The following C1QTNF3 variants were observed in gnomAD, a reference collection of about 807,000 sequenced individuals.
C1QTNF3 encodes C1q and TNF related 3.
Under a neutral mutation model 32.6 loss-of-function variants are expected in C1QTNF3, and 26 were observed. The ratio of observed to expected loss-of-function variants is 0.80; its 90% CI spans 0.58 to 1.11. The LOEUF (loss-of-function observed/expected upper bound fraction) is 1.11. Ranked by LOEUF, C1QTNF3 falls within the 50% of genes least tolerant of loss-of-function variation. The pLI, the probability that C1QTNF3 is intolerant of heterozygous loss-of-function variation, is 0.00. For synonymous variants in C1QTNF3, 155 were observed against 146.0 expected (o/e 1.06, Z -0.44); for missense variants, 362 against 398.2 (o/e 0.91, Z 0.77).
intron 2 of C1QTNF3, among the ~76,000 whole-genome samples, chr5:34,035,398 T>A (rs549481191): frequency 1.2e-4 from 19 of 152,322 alleles, no homozygotes; most frequent in African/African-American, 4.3e-4. Context: ...AGTAAGCTTT[T>A]GGCTCTACTC....
At chr5:34,161,563 A>G in the C1QTNF3 span, among the ~76,000 whole-genome samples, 1 of 152,192 alleles carries the variant, frequency 6.6e-6, no homozygotes, top group African/African-American at 2.4e-5. Context: ...TTAAGATTAA[A>G]CATAGTCTAT....
chr5:34,110,904 TTTC>T, the C1QTNF3 span, among the ~76,000 whole-genome samples: 3 of 152,014 alleles, frequency 2.0e-5, no homozygotes, highest in Non-Finnish European at 2.9e-5. Context: ...AAATATTTGA[TTTC>T]TTTAGTAAAA....
the C1QTNF3 span, among the ~76,000 whole-genome samples, chr5:34,172,856 G>C: frequency 6.6e-6 from 1 of 152,092 alleles, no homozygotes; most frequent in Non-Finnish European, 1.5e-5. Context: ...CCAATTACCT[G>C]TTGAAGAAAC....
the C1QTNF3 span, among the ~76,000 whole-genome samples, chr5:34,177,650 CTAATTTCTG>C: frequency 6.6e-6 from 1 of 151,914 alleles, no homozygotes; most frequent in Admixed American, 6.6e-5. Flanking sequence ...CCACACCCAG[CTAATTTCTG>C]TGTTTTCTTA....
the C1QTNF3 span, among the ~76,000 whole-genome samples, chr5:34,052,019 T>C: frequency 6.6e-6 from 1 of 152,180 alleles, no homozygotes; most frequent in Non-Finnish European, 1.5e-5. Context: ...GCGCCTGTAA[T>C]CCCAGCTACT....
chr5:34,217,199 G>T, the C1QTNF3 span, among the ~76,000 whole-genome samples: 2 of 152,056 alleles, frequency 1.3e-5, no homozygotes, highest in Admixed American at 6.6e-5. Context: ...TTAACTTGAT[G>T]AATACAATTC....
the C1QTNF3 span, among the ~76,000 whole-genome samples, chr5:34,222,268 T>C: frequency 6.6e-6 from 1 of 152,028 alleles, no homozygotes; most frequent in Non-Finnish European, 1.5e-5. Flanking sequence ...ATTCTAAAAA[T>C]TCAACACCTG....
the C1QTNF3 span, chr5:34,175,975 G>A: frequency 1.2e-5 from 10 of 800,362 alleles, no homozygotes; most frequent in Admixed American, 1.5e-4. Context: ...TCAAGGCAAA[G>A]AGAAGAGTAA....
At chr5:34,057,998 C>T in the C1QTNF3 span, among the ~76,000 whole-genome samples, 1 of 152,130 alleles carries the variant, frequency 6.6e-6, no homozygotes. Flanking sequence ...TTCCTTCACT[C>T]GACTCCTGGA....
At chr5:34,213,094 A>G in the C1QTNF3 span, among the ~76,000 whole-genome samples, 1 of 152,230 alleles carries the variant, frequency 6.6e-6, no homozygotes, top group Admixed American at 6.5e-5. Flanking sequence ...TTTCAATAGA[A>G]CACTACCATA....
chr5:34,076,913 A>G, the C1QTNF3 span, among the ~76,000 whole-genome samples: 2 of 151,722 alleles, frequency 1.3e-5, no homozygotes, highest in South Asian at 4.2e-4. Flanking sequence ...TGAGAGCCAA[A>G]CATGATTTAT....
At chr5:34,044,291 A>G (rs529720965), upstream of C1QTNF3, among the ~76,000 whole-genome samples, 1 of 152,378 alleles carries the variant, frequency 6.6e-6, no homozygotes, top group East Asian at 1.9e-4. Flanking sequence ...GCTTCTATTT[A>G]CATATGATTT....
chr5:34,178,202 A>C, the C1QTNF3 span, among the ~76,000 whole-genome samples: 1 of 151,498 alleles, frequency 6.6e-6, no homozygotes, highest in Non-Finnish European at 1.5e-5. Flanking sequence ...AATTGCTTGA[A>C]CCTGGGAGGC....
the C1QTNF3 span, chr5:34,124,449 G>A: frequency 2.8e-6 from 2 of 716,746 alleles, no homozygotes; most frequent in Non-Finnish European, 5.2e-6. Context: ...GGAGCTCTTA[G>A]TCATGGCAGA....
chr5:34,035,533 C>T, intron 2 of C1QTNF3, 114 bp downstream of exon 2: 5 of 787,908 alleles, frequency 6.3e-6, no homozygotes, highest in Non-Finnish European at 1.1e-5. Context: ...TGCCAAGAGT[C>T]TAGCGGATCC....
At chr5:34,079,525 T>G in the C1QTNF3 span, among the ~76,000 whole-genome samples, 2 of 151,724 alleles carry the variant, frequency 1.3e-5, no homozygotes, top group Non-Finnish European at 2.9e-5. Flanking sequence ...TGGAGTGAGT[T>G]GACAGCAGAT....
chr5:34,219,108 T>C, the C1QTNF3 span, among the ~76,000 whole-genome samples: 2 of 152,130 alleles, frequency 1.3e-5, no homozygotes, highest in African/African-American at 4.8e-5. Context: ...TGTTCAATTA[T>C]TTTAATGCTT....
At chr5:34,123,239 T>C in the C1QTNF3 span, among the ~76,000 whole-genome samples, 1 of 152,150 alleles carries the variant, frequency 6.6e-6, no homozygotes, top group Non-Finnish European at 1.5e-5. Flanking sequence ...GCTGCCTCCA[T>C]GAACCCAGAT....
chr5:34,073,664 TTAAC>T, the C1QTNF3 span, among the ~76,000 whole-genome samples: 1 of 152,214 alleles, frequency 6.6e-6, no homozygotes, highest in Non-Finnish European at 1.5e-5. Flanking sequence ...TGCAGCCTGA[TTAAC>T]TAAACTCAAT....
Sources: allele counts gnomAD v4.1 joint callset (sites outside exome capture counted in the v4.1 genomes callset), GRCh38; gene constraint gnomAD v4.1.1; transcripts MANE v1.5; gene names NCBI Gene and HGNC (gene_info 2026-07-23, HGNC 2026-07-21).